NAP1L1: variants seen among roughly 807,000 people sequenced by gnomAD.
NAP1L1 encodes the protein nucleosome assembly protein 1 like 1, also known as nucleosome assembly protein 1-like 1.
A neutral mutation model predicts 58.9 loss-of-function variants in NAP1L1; 9 were observed. That is an observed-to-expected ratio of 0.15 (90% CI 0.09 to 0.27). The LOEUF (loss-of-function observed/expected upper bound fraction) is 0.27, where lower values mean the gene tolerates loss of function less well. Ranked by LOEUF, NAP1L1 falls within the 10% of genes least tolerant of loss-of-function variation. The pLI is 1.00. For missense variants in NAP1L1, 302 were observed against 458.8 expected (o/e 0.66, Z 3.12); for synonymous variants, 130 against 138.3 (o/e 0.94, Z 0.42).
intron 4 of NAP1L1, chr12:76,060,913 C>CA (rs1446421298): frequency 2.9e-5 from 8 of 271,960 alleles, no homozygotes; most frequent in South Asian, 1.2e-4. Context: ...GGCAACATGA[C>CA]AAAACCCTGT....
intron 2 of NAP1L1, among the ~76,000 whole-genome samples, chr12:76,072,316 CAA>C (rs1166516848): frequency 7.7e-6 from 1 of 129,744 alleles, no homozygotes; most frequent in Admixed American, 7.6e-5. Context: ...AAAAAAAAAA[CAA>C]AAAAACAGGA....
chr12:76,067,933 G>A (rs983904445), intron 3 of NAP1L1, among the ~76,000 whole-genome samples: 1 of 152,192 alleles, frequency 6.6e-6, no homozygotes, highest in African/African-American at 2.4e-5. Context: ...CTTGTGTAAT[G>A]TATTTCTATG....
rs548772429 is a variant in NAP1L1, at chr12:76,047,166, A to C, written c.*1263T>G. 6.6e-6 allele frequency: 1 copy of C among 152,624 alleles called. No homozygotes were observed. Among genetic ancestry groups the C allele is most frequent in the Non-Finnish European group, 1.5e-5 (1 of 67,914 alleles). 9.5% of individuals were successfully genotyped at this position (152,624 alleles called of 1,614,324 possible). The stretch of plus-strand genomic sequence containing the variant: ...AATAGGCCCAAAATTTTGAGCTTTT[A>C]ACAAGATTGAGAAACATTATATGAG... On this transcript the variant is annotated 3_prime_UTR_variant, in exon 15 of 15. Coordinates refer to ENST00000618691, the MANE Select transcript of NAP1L1 (RefSeq NM_004537.7).
intron 1 of NAP1L1, chr12:76,084,238 G>C (rs1455981745): frequency 6.6e-6 from 1 of 152,232 alleles, no homozygotes; most frequent in Non-Finnish European, 1.5e-5. Context: ...CCGAGTCTCA[G>C]GGCACCCGGG....
chr12:76,082,385 C>T (rs1950441412), intron 1 of NAP1L1, among the ~76,000 whole-genome samples: 1 of 152,090 alleles, frequency 6.6e-6, no homozygotes, highest in African/African-American at 2.4e-5. Flanking sequence ...TCATTAAAGG[C>T]CAAGTGCAGT....
intron 1 of NAP1L1, among the ~76,000 whole-genome samples, chr12:76,079,702 G>A (rs1365500339): frequency 7.2e-6 from 1 of 137,990 alleles, no homozygotes; most frequent in Non-Finnish European, 1.5e-5. Flanking sequence ...TTTTTTTTTG[G>A]AGACAAGGCT....
At chr12:76,077,108 A>T (rs755768756) in intron 1 of NAP1L1, among the ~76,000 whole-genome samples, 13 of 152,340 alleles carry the variant, frequency 8.5e-5, no homozygotes, top group African/African-American at 3.1e-4. Context: ...TTTTTGTAAC[A>T]TTTTAATGTG....
At chr12:76,057,733 G>A (rs1463812023) in intron 6 of NAP1L1, 5 of 1,547,978 alleles carry the variant, frequency 3.2e-6, no homozygotes, top group Non-Finnish European at 3.5e-6. Flanking sequence ...AAATGAATAT[G>A]CAAAACTTAC....
Position 76,068,974 on chromosome 12 carries a change from T to A in NAP1L1, c.38A>T (p.Asp13Val), listed in dbSNP as rs1949821675. Reference sequence around the variant, plus strand: ...TTCTTCAACATCATCCAAATCTTGATCAAGTTCAGACTGTTCTTTGCTATA... The same window carrying A: ...TTCTTCAACATCATCCAAATCTTGAACAAGTTCAGACTGTTCTTTGCTATA... ...DIDNKEQSEL[D>V]QDLDDVEEVE... Residue 13 changes from aspartate (D) to valine (V), a missense_variant, in exon 3 of 15, where the codon GAT becomes GTT. Physicochemically the swap from Asp to Val is radical, Grantham distance 152. Transcript: ENST00000618691. The A allele has an allele frequency of 6.2e-7, 1 of 1,612,970 alleles. No homozygotes were observed. Among genetic ancestry groups the A allele is most frequent in the Non-Finnish European group, 8.5e-7 (1 of 1,179,490 alleles).
chr12:76,053,008 A>T (rs965887322), intron 11 of NAP1L1, 83 bp downstream of exon 11: 1 of 1,344,666 alleles, frequency 7.4e-7, no homozygotes, highest in Non-Finnish European at 1.0e-6. Flanking sequence ...TGTAACAACC[A>T]TCCCACTCTC....
In NAP1L1 at chr12:76,037,297, T is replaced by C. The variant is rs937868338; in HGVS notation, c.*11132A>G. The C allele has an allele frequency of 6.6e-6, 1 of 152,348 alleles. No individual in the cohort carries two copies. Among genetic ancestry groups the C allele is most frequent in the South Asian group, 2.1e-4 (1 of 4,834 alleles). 9.4% of individuals were successfully genotyped at this position (152,348 alleles called of 1,614,324 possible). A position where few individuals can be genotyped will look rare whatever the true frequency, so the allele number is the denominator to read the frequency against. ...TAGTAGTTGATGAACTGATGCCTCC[T>C]AGTGACCAATCTGTGTAACAGCTTA... On this transcript the variant is annotated 3_prime_UTR_variant, in exon 15 of 15. Coordinates refer to ENST00000618691, the MANE Select transcript of NAP1L1 (RefSeq NM_004537.7).
chr12:76,070,548 TA>T (rs1412966765), intron 2 of NAP1L1, among the ~76,000 whole-genome samples: 1 of 152,196 alleles, frequency 6.6e-6, no homozygotes. Context: ...CCAAAGGCTT[TA>T]AAACAGCTGT....
chr12:76,063,743 C>T (rs777510246), intron 4 of NAP1L1, among the ~76,000 whole-genome samples: 115 of 151,580 alleles, frequency 7.6e-4, no homozygotes, highest in Non-Finnish European at 1.5e-3. Context: ...TGCAGTGAGC[C>T]GTCATTGTGC....
chr12:76,037,106 G>A lies in NAP1L1; in HGVS notation c.*11323C>T, dbSNP rs1871060549. The A allele has an allele frequency of 6.6e-6, 1 of 152,118 alleles. No homozygotes were observed. The highest frequency in any genetic ancestry group is 6.6e-5 in the Admixed American group (1 of 15,248). The allele number at this position is 152,118 out of a possible 1,614,324, so 9.4% of individuals were successfully genotyped here. On this transcript the variant is annotated 3_prime_UTR_variant, in exon 15 of 15. Coordinates refer to ENST00000618691, the MANE Select transcript of NAP1L1 (RefSeq NM_004537.7). ...AAATAAATAAACAAATAGTCTCACA[G>A]AGTGCAGTTTAGACTTCTTAGCCTT...
Position 76,049,188 on chromosome 12 carries a change from A to C in NAP1L1, c.1140+12T>G. On this transcript the variant is annotated intron_variant, in intron 14 of 14. Transcript: ENST00000618691. ...CTTAAATTTAATAGAAAGCAGCACT[A>C]ATTTTGCTCACCTTTGGGTCATAGT... is the stretch of plus-strand genomic sequence containing the variant. 3 of 1,609,930 alleles carry C rather than the reference A, an allele frequency of 1.9e-6. No homozygotes were observed. The highest frequency in any genetic ancestry group is 2.5e-6 in the Non-Finnish European group (3 of 1,176,626).
intron 2 of NAP1L1, among the ~76,000 whole-genome samples, chr12:76,071,093 T>C (rs759225012): frequency 9.2e-5 from 14 of 152,220 alleles, no homozygotes; most frequent in Non-Finnish European, 1.6e-4. Flanking sequence ...TTTTTTACCC[T>C]AATATTTTCC....
At chr12:76,064,069 T>G (rs906474987) in intron 4 of NAP1L1, among the ~76,000 whole-genome samples, 1 of 151,950 alleles carries the variant, frequency 6.6e-6, no homozygotes, top group African/African-American at 2.4e-5. Context: ...CTTGGGAGGC[T>G]GAGGTGGGAG....
In NAP1L1 at chr12:76,047,315, A is replaced by G. The variant is rs1948629633; in HGVS notation, c.*1114T>C. ...ACTCATACTTTAAGCAATAAGAATT[A>G]GAAGAAACCATAGAAGCTTGGGGCC... On this transcript the variant is annotated 3_prime_UTR_variant, in exon 15 of 15. Transcript: ENST00000618691. The G allele has an allele frequency of 6.6e-6, 1 of 152,372 alleles. No homozygotes were observed. Among genetic ancestry groups the G allele is most frequent in the South Asian group, 2.1e-4 (1 of 4,830 alleles). The allele number at this position is 152,372 out of a possible 1,614,324, so 9.4% of individuals were successfully genotyped here.
In NAP1L1 at chr12:76,044,542, G is replaced by A. The variant is rs1948580419; in HGVS notation, c.*3887C>T. 6.6e-6 allele frequency: 1 copy of A among 152,106 alleles called. No homozygotes were observed. Among genetic ancestry groups the A allele is most frequent in the Non-Finnish European group, 1.5e-5 (1 of 68,024 alleles). The allele number at this position is 152,106 out of a possible 1,614,324, so 9.4% of individuals were successfully genotyped here. ...CAGACTCTTGGCTTGAGGATGACAT[G>A]GTCGGGCCTCAATAAGCCCACTGTA... On this transcript the variant is annotated 3_prime_UTR_variant, in exon 15 of 15. Coordinates refer to ENST00000618691, the MANE Select transcript of NAP1L1 (RefSeq NM_004537.7).
Sources: allele counts gnomAD v4.1 joint callset (sites outside exome capture counted in the v4.1 genomes callset), GRCh38; gene constraint gnomAD v4.1.1; transcripts MANE v1.5; gene names NCBI Gene and HGNC (gene_info 2026-07-23, HGNC 2026-07-21).